The following SRSF10 variants were observed in gnomAD, a reference collection of about 807,000 sequenced individuals.
SRSF10 encodes the protein serine and arginine rich splicing factor 10, also known as serine/arginine-rich splicing factor 10.
Under a neutral mutation model 32.6 loss-of-function variants are expected in SRSF10, and 9 were observed. The ratio of observed to expected loss-of-function variants is 0.28; its 90% CI spans 0.17 to 0.48. The LOEUF (loss-of-function observed/expected upper bound fraction) is 0.48, where lower values mean the gene tolerates loss of function less well. Ranked by LOEUF, SRSF10 falls within the 20% of genes least tolerant of loss-of-function variation. The pLI is 0.99. For synonymous variants in SRSF10, 105 were observed against 112.4 expected (o/e 0.93, Z 0.42); for missense variants, 201 against 331.8 (o/e 0.61, Z 3.06).
chr1:23,971,722 C>T (rs7522946), intron 4 of SRSF10, 96 bp from the exon 5 acceptor site: 89,779 of 1,514,892 alleles, frequency 0.059, 3,775 homozygotes, highest in African/African-American at 0.21. Context: ...AAATAAAATG[C>T]TACAGTATTT....
rs1158163529 is a variant in SRSF10 at position 23,965,931 on chromosome 1, A to C, written c.*5211T>G. ...ACATATTCTTTTAAAAATACATAGA[A>C]CCTCTGTCCATAAGAACCCCTATGT... On this transcript the variant is annotated 3_prime_UTR_variant, in exon 6 of 6. Coordinates refer to ENST00000492112, the MANE Select transcript of SRSF10 (RefSeq NM_054016.4). 1 of 151,912 alleles carries C rather than the reference A, an allele frequency of 6.6e-6. No homozygotes were observed. Among genetic ancestry groups the C allele is most frequent in the Admixed American group, 6.6e-5 (1 of 15,252 alleles). The allele number at this position is 151,912 out of a possible 1,614,324, so 9.4% of individuals were successfully genotyped here.
At chr1:23,977,456 A>G (rs1642160668) in intron 2 of SRSF10, 1 of 152,230 alleles carries the variant, frequency 6.6e-6, no homozygotes, top group Non-Finnish European at 1.5e-5. Flanking sequence ...TCACAGGGCT[A>G]AGTTAAAGAA....
At chr1:23,973,491 T>C (rs1641896716) in intron 3 of SRSF10, among the ~76,000 whole-genome samples, 1 of 152,148 alleles carries the variant, frequency 6.6e-6, no homozygotes, top group African/African-American at 2.4e-5. Context: ...TAATTTTTTA[T>C]TTTATTTTTT....
At chr1:23,979,063 T>G (rs865992936) in intron 1 of SRSF10, 52 of 222,134 alleles carry the variant, frequency 2.3e-4, no homozygotes, top group African/African-American at 9.9e-4. Context: ...CCTTGTTTTT[T>G]TTTTTTTTTT....
In SRSF10 at chr1:23,970,056, A is replaced by G. The variant is rs1641651504; in HGVS notation, c.*1086T>C. 1 of 985,302 alleles carries G rather than the reference A, an allele frequency of 1.0e-6. No individual in the cohort carries two copies. The highest frequency in any genetic ancestry group is 1.2e-6 in the Non-Finnish European group (1 of 829,904). 61.0% of individuals were successfully genotyped at this position (985,302 alleles called of 1,614,324 possible). A position where few individuals can be genotyped will look rare whatever the true frequency, so the allele number is the denominator to read the frequency against. On this transcript the variant is annotated 3_prime_UTR_variant, in exon 6 of 6. Coordinates refer to ENST00000492112, the MANE Select transcript of SRSF10 (RefSeq NM_054016.4). Reference sequence around the variant, plus strand: ...TACTTTGAAACAATTTACTTACTTAACAGCAGTAAGAAAACTAAGCAATAT... The same window carrying G: ...TACTTTGAAACAATTTACTTACTTAGCAGCAGTAAGAAAACTAAGCAATAT...
chr1:23,979,601 A>T (rs1642325115), intron 1 of SRSF10, among the ~76,000 whole-genome samples: 1 of 152,192 alleles, frequency 6.6e-6, no homozygotes, highest in Admixed American at 6.6e-5. Flanking sequence ...AAGGGTGACC[A>T]GAATTTCCAG....
At chr1:23,980,168 C>T (rs928513140) in intron 1 of SRSF10, 23 bp downstream of exon 1, 95 of 1,532,750 alleles carry the variant, frequency 6.2e-5, no homozygotes, top group Admixed American at 1.2e-4. Context: ...CGCCTAGGCC[C>T]GGAGTACCTG....
In SRSF10 at chr1:23,967,711, G is replaced by A. The variant is rs1450473343; in HGVS notation, c.*3431C>T. The A allele has an allele frequency of 1.9e-6, 3 of 1,609,120 alleles. No individual in the cohort carries two copies. Among genetic ancestry groups the A allele is most frequent in the East Asian group, 2.2e-5 (1 of 44,816 alleles). On this transcript the variant is annotated 3_prime_UTR_variant, in exon 6 of 6. Coordinates refer to ENST00000492112, the MANE Select transcript of SRSF10 (RefSeq NM_054016.4). The stretch of plus-strand genomic sequence containing the variant: ...AAGCAGAACTGTACTGGGTATTCCA[G>A]CTGCAGTTTGGTCTTAAATAAAAGA...
At position 23,968,994 on chromosome 1, in the gene SRSF10, T is replaced by A; in HGVS notation, c.*2148A>T. ...AGTTGTGCCTAGTGCAACAATGATT[T>A]AAAATATTCCTAAATCTATAAAGGA... is the stretch of plus-strand genomic sequence containing the variant. On this transcript the variant is annotated 3_prime_UTR_variant, in exon 6 of 6. Transcript: ENST00000492112. 3.3e-6 allele frequency: 2 copies of A among 613,238 alleles called. No homozygotes were observed. The highest frequency in any genetic ancestry group is 4.0e-5 in the African/African-American group (2 of 50,038). 38.0% of individuals were successfully genotyped at this position (613,238 alleles called of 1,614,324 possible).
chr1:23,979,228 A>C (rs1297589163), intron 1 of SRSF10, among the ~76,000 whole-genome samples: 1 of 152,168 alleles, frequency 6.6e-6, no homozygotes, highest in Admixed American at 6.5e-5. Context: ...GTTAAGTGTC[A>C]AGATGACGTA....
At chr1:23,974,866 G>T in intron 3 of SRSF10, 108 bp downstream of exon 3, 3 of 770,142 alleles carry the variant, frequency 3.9e-6, no homozygotes, top group Non-Finnish European at 6.5e-6. Flanking sequence ...AGAAAAAAAA[G>T]ATCCCTTTGG....
chr1:23,972,308 G>A (rs1440115859), intron 3 of SRSF10, among the ~76,000 whole-genome samples: 3 of 152,160 alleles, frequency 2.0e-5, no homozygotes, highest in Admixed American at 6.5e-5. Flanking sequence ...GGAGGCTAAG[G>A]GGGGAAATCA....
intron 2 of SRSF10, 166 bp from the exon 3 acceptor site, chr1:23,975,243 C>A (rs915174670): frequency 8.1e-6 from 5 of 614,728 alleles, no homozygotes. Flanking sequence ...ATTAACACTT[C>A]ACACTATAAA....
chr1:23,976,573 G>A (rs1009157588), intron 2 of SRSF10: 1 of 152,304 alleles, frequency 6.6e-6, no homozygotes, highest in Middle Eastern at 3.4e-3. Context: ...CCAAGAGACA[G>A]AATATAATAA....
In SRSF10 at chr1:23,967,044, A is replaced by G. The variant is rs1641488643; in HGVS notation, c.*4098T>C. ...ATGATTTGCCCACAGTAAGGGCTCA[A>G]TAAATATTTGCTGAATATACTGACT... On this transcript the variant is annotated 3_prime_UTR_variant, in exon 6 of 6. Coordinates refer to ENST00000492112, the MANE Select transcript of SRSF10 (RefSeq NM_054016.4). The G allele has an allele frequency of 6.6e-6, 1 of 152,120 alleles. No individual in the cohort carries two copies. The allele number at this position is 152,120 out of a possible 1,614,324, so 9.4% of individuals were successfully genotyped here. A position where few individuals can be genotyped will look rare whatever the true frequency, so the allele number is the denominator to read the frequency against.
chr1:23,970,983 C>T lies in SRSF10; in HGVS notation c.*159G>A. The stretch of plus-strand genomic sequence containing the variant: ...AACTGGACTCTTAAGAGTGGCTTCT[C>T]AACAGCATATCATTTTAATTATAAC... On this transcript the variant is annotated 3_prime_UTR_variant, in exon 6 of 6. Transcript: ENST00000492112. 1 of 1,433,974 alleles carries T rather than the reference C, an allele frequency of 7.0e-7. No individual in the cohort carries two copies. The allele number at this position is 1,433,974 out of a possible 1,614,324, so 88.8% of individuals were successfully genotyped here.
rs1266131057 is a variant in SRSF10 at position 23,971,082 on chromosome 1, G to A, written c.*60C>T. 9 of 1,525,614 alleles carry A rather than the reference G, an allele frequency of 5.9e-6. No individual in the cohort carries two copies. The African/African-American group carries it at 9.7e-5, about 17-fold the overall frequency. The allele number at this position is 1,525,614 out of a possible 1,614,324, so 94.5% of individuals were successfully genotyped here. On this transcript the variant is annotated 3_prime_UTR_variant, in exon 6 of 6. Coordinates refer to ENST00000492112, the MANE Select transcript of SRSF10 (RefSeq NM_054016.4). ...CAACATTGTATTCCTGATAATTTAA[G>A]TAAACCAAACTATGAGTAAATGAAT...
chr1:23,969,482 C>T lies in SRSF10; in HGVS notation c.*1660G>A, dbSNP rs371875109. The T allele has an allele frequency of 1.4e-5, 14 of 985,484 alleles. No homozygotes were observed. The African/African-American group carries it at 1.6e-4, about 11-fold the overall frequency. 61.0% of individuals were successfully genotyped at this position (985,484 alleles called of 1,614,324 possible). A position where few individuals can be genotyped will look rare whatever the true frequency, so the allele number is the denominator to read the frequency against. ...GGTTCTAGAATCAATCCTTTAAACA[C>T]ATTCCACAAACAGTATTTAAAATCC... is the stretch of plus-strand genomic sequence containing the variant. On this transcript the variant is annotated 3_prime_UTR_variant, in exon 6 of 6. Coordinates refer to ENST00000492112, the MANE Select transcript of SRSF10 (RefSeq NM_054016.4).
rs1389354162 is a variant in SRSF10 at position 23,966,457 on chromosome 1, A to G, written c.*4685T>C. On this transcript the variant is annotated 3_prime_UTR_variant, in exon 6 of 6. Coordinates refer to ENST00000492112, the MANE Select transcript of SRSF10 (RefSeq NM_054016.4). ...GGAATCCAAAACATTTTGTGATACT[A>G]TAAAAGTTATTTATTCGCTATACAC... 1 of 152,048 alleles carries G rather than the reference A, an allele frequency of 6.6e-6. No homozygotes were observed. The highest frequency in any genetic ancestry group is 1.5e-5 in the Non-Finnish European group (1 of 67,884). 9.4% of individuals were successfully genotyped at this position (152,048 alleles called of 1,614,324 possible).
Sources: allele counts gnomAD v4.1 joint callset (sites outside exome capture counted in the v4.1 genomes callset), GRCh38; gene constraint gnomAD v4.1.1; transcripts MANE v1.5; gene names NCBI Gene and HGNC (gene_info 2026-07-23, HGNC 2026-07-21).